EPCAM: variants seen among roughly 807,000 people sequenced by gnomAD.
EPCAM encodes the protein adenocarcinoma-associated antigen.
EPCAM carries 39 observed loss-of-function variants against 40.0 expected under a neutral mutation model. The observed-to-expected ratio is 0.98, with a 90% CI of 0.76 to 1.27. The LOEUF is 1.27. Among genes scored for constraint, EPCAM ranks in the 50% most tolerant of loss-of-function variants. The probability of loss-of-function intolerance (pLI) is 0.00; values close to 1 mark genes in which losing one functional copy is unlikely to be tolerated. For synonymous variants in EPCAM, 168 were observed against 132.3 expected, an observed-to-expected ratio of 1.27 and a Z score of -1.85; for missense variants, 503 against 381.2, an observed-to-expected ratio of 1.32 and a Z score of -2.66.
intron 7 of EPCAM, among the ~76,000 whole-genome samples, chr2:47,381,776 G>A (rs920098605): frequency 6.6e-6 from 1 of 152,174 alleles, no homozygotes; most frequent in African/African-American, 2.4e-5. Flanking sequence ...ATATGTGTAT[G>A]TATATTTTGA....
chr2:47,370,202 A>G (rs1671216060), intron 1 of EPCAM, among the ~76,000 whole-genome samples: 1 of 152,242 alleles, frequency 6.6e-6, no homozygotes, highest in Admixed American at 6.5e-5. Context: ...CGTAAAGAGT[A>G]AAAACATATA....
At chr2:47,379,193 G>C (rs998764429) in intron 6 of EPCAM, 139 bp downstream of exon 6, 4 of 665,284 alleles carry the variant, frequency 6.0e-6, no homozygotes, top group African/African-American at 3.6e-5. Context: ...TGTCCTCCCT[G>C]TCACTCACAT....
chr2:47,375,446 G>A, intron 4 of EPCAM, 147 bp downstream of exon 4: 1 of 666,616 alleles, frequency 1.5e-6, no homozygotes, highest in Non-Finnish European at 2.7e-6. Flanking sequence ...ATAGCACAGA[G>A]ATTCTGGGAA....
rs776895157 is a variant in EPCAM, at chr2:47,386,609, C to G, written c.941C>G (p.Ala314Gly). Reference protein sequence around the residue: ...EMGEMHRELNA With the variant: ...EMGEMHRELNG Reference sequence around the variant, plus strand: ...GGTGAGATGCATAGGGAACTCAATGCATAACTATATAATTTGAAGATTATA... The same window carrying G: ...GGTGAGATGCATAGGGAACTCAATGGATAACTATATAATTTGAAGATTATA... Residue 314 changes from alanine (A) to glycine (G), a missense_variant, in exon 9 of 9, where the codon GCA becomes GGA. Coordinates refer to ENST00000263735, the MANE Select transcript of EPCAM (RefSeq NM_002354.3). 1 of 1,601,030 alleles carries G rather than the reference C, an allele frequency of 6.2e-7. No individual in the cohort carries two copies. Among genetic ancestry groups the G allele is most frequent in the Non-Finnish European group, 8.6e-7 (1 of 1,169,004 alleles).
intron 5 of EPCAM, 35 bp downstream of exon 5, chr2:47,377,112 G>C (rs780740347): frequency 7.4e-7 from 1 of 1,346,184 alleles, no homozygotes; most frequent in Non-Finnish European, 1.1e-6. Flanking sequence ...TTAGCAGACA[G>C]TTGGTGAGAC....
At chr2:47,376,611 C>G (rs1671434675) in intron 4 of EPCAM, among the ~76,000 whole-genome samples, 1 of 152,148 alleles carries the variant, frequency 6.6e-6, no homozygotes, top group Non-Finnish European at 1.5e-5. Flanking sequence ...GACAGGAAAA[C>G]TACTTAAGCG....
At chr2:47,377,235 T>TTTTG in intron 5 of EPCAM, among the ~76,000 whole-genome samples, 158 bp downstream of exon 5, 1 of 152,098 alleles carries the variant, frequency 6.6e-6, no homozygotes, top group Non-Finnish European at 1.5e-5. Context: ...TACTGTTTTT[T>TTTTG]TTTGTTTGTT....
At position 47,386,914 on chromosome 2, in the gene EPCAM, T is replaced by A; in HGVS notation, c.*301T>A. 1 of 279,618 alleles carries A rather than the reference T, an allele frequency of 3.6e-6. No individual in the cohort carries two copies. The highest frequency in any genetic ancestry group is 6.7e-6 in the Non-Finnish European group (1 of 149,216). The allele number at this position is 279,618 out of a possible 1,614,324, so 17.3% of individuals were successfully genotyped here. On this transcript the variant is annotated 3_prime_UTR_variant, in exon 9 of 9. Coordinates refer to ENST00000263735, the MANE Select transcript of EPCAM (RefSeq NM_002354.3). ...GTGTGCATTAAATATGCTTCCACAG[T>A]AAAATCTGAAAAACTGATTTGTGAT...
At position 47,374,061 on chromosome 2, in the gene EPCAM, G is replaced by A. The variant is rs1403563905; in HGVS notation, c.425+13G>A. 6.2e-7 allele frequency: 1 copy of A among 1,613,956 alleles called. No homozygotes were observed. The highest frequency in any genetic ancestry group is 1.1e-5 in the South Asian group (1 of 91,074). ...GAGTGAGAACCTAGTGAGTGGGGCT[G>A]CCTATACTACTTGTTTTCATGCTGT... On this transcript the variant is annotated intron_variant, in intron 3 of 8. Transcript: ENST00000263735.
At chr2:47,383,606 T>C (rs1485495072) in intron 7 of EPCAM, among the ~76,000 whole-genome samples, 3 of 104,330 alleles carry the variant, frequency 2.9e-5, no homozygotes, top group African/African-American at 1.2e-4. Context: ...CCCGGCTTCT[T>C]CTTTTTTTTT....
chr2:47,380,153 T>G (rs1046841108), intron 7 of EPCAM, among the ~76,000 whole-genome samples, 184 bp downstream of exon 7: 2 of 151,942 alleles, frequency 1.3e-5, no homozygotes, highest in East Asian at 3.9e-4. Flanking sequence ...TTATCTGTAG[T>G]AAAAATACAA....
At chr2:47,382,208 C>G (rs527669384) in intron 7 of EPCAM, among the ~76,000 whole-genome samples, 1 of 152,140 alleles carries the variant, frequency 6.6e-6, no homozygotes, top group African/African-American at 2.4e-5. Flanking sequence ...ACAAAGAGTT[C>G]TTACAAATTG....
Position 47,379,018 on chromosome 2 carries a change from G to A in EPCAM, c.621G>A (p.Val207=), listed in dbSNP as rs751882045. 20 of 1,600,276 alleles carry A rather than the reference G, an allele frequency of 1.2e-5. No homozygotes were observed. Among genetic ancestry groups the A allele is most frequent in the Non-Finnish European group, 1.6e-5 (19 of 1,167,566 alleles). ...CTTCTCAAAAAACTCAGAATGATGT[G>A]GACATAGCTGATGTGGCTTATTATT... is the stretch of plus-strand genomic sequence containing the variant. ...QNSSQKTQND[V]DIADVAYYFE... is the part of the protein sequence containing the mutation. The change falls in exon 6 of 9, where the codon GTG becomes GTA. Residue 207 remains valine (V), a synonymous_variant. Coordinates refer to ENST00000263735, the MANE Select transcript of EPCAM (RefSeq NM_002354.3).
intron 7 of EPCAM, 68 bp downstream of exon 7, chr2:47,380,037 G>A: frequency 1.9e-6 from 3 of 1,550,608 alleles, no homozygotes; most frequent in South Asian, 1.2e-5. Flanking sequence ...TAGTGGCTGG[G>A]CGCGGTGGCT....
chr2:47,371,596 G>A (rs998123282), intron 1 of EPCAM, among the ~76,000 whole-genome samples: 4 of 152,166 alleles, frequency 2.6e-5, no homozygotes, highest in African/African-American at 4.8e-5. Flanking sequence ...CTGGGACTAC[G>A]TACTTAATGT....
Position 47,375,277 on chromosome 2 carries a change from TATG to T in EPCAM, c.472_474del (p.Asp158del), listed in dbSNP as rs2103750129. 3 of 1,612,528 alleles carry T rather than the reference TATG, an allele frequency of 1.9e-6. No homozygotes were observed. The highest frequency in any genetic ancestry group is 2.5e-6 in the Non-Finnish European group (3 of 1,178,640). The stretch of plus-strand genomic sequence containing the variant: ...AAAACACAAAGCAAGAGAAAAACCT[TATG>T]ATAGTAAAAGTTTGCGGACGTAAGT... On this transcript the variant is annotated inframe_deletion, in exon 4 of 9. Transcript: ENST00000263735.
At chr2:47,378,096 T>A (rs1165679277) in intron 5 of EPCAM, among the ~76,000 whole-genome samples, 6 of 151,938 alleles carry the variant, frequency 3.9e-5, no homozygotes, top group African/African-American at 1.4e-4. Flanking sequence ...CCGAATGTGG[T>A]GGTGGGCACC....
intron 7 of EPCAM, among the ~76,000 whole-genome samples, chr2:47,383,859 A>G (rs1671665696): frequency 6.6e-6 from 1 of 151,200 alleles, no homozygotes; most frequent in South Asian, 2.1e-4. Flanking sequence ...CTGATCTCGA[A>G]ATCCTGATGT....
chr2:47,370,161 G>C (rs1671214794), intron 1 of EPCAM, among the ~76,000 whole-genome samples: 2 of 152,252 alleles, frequency 1.3e-5, no homozygotes, highest in Non-Finnish European at 2.9e-5. Flanking sequence ...AGTAATGCCA[G>C]GCTTATTGTA....
Sources: allele counts gnomAD v4.1 joint callset (sites outside exome capture counted in the v4.1 genomes callset), GRCh38; gene constraint gnomAD v4.1.1; transcripts MANE v1.5; gene names NCBI Gene and HGNC (gene_info 2026-07-23, HGNC 2026-07-21).